CDH18: variants seen among roughly 807,000 people sequenced by gnomAD.
CDH18 encodes cadherin 18, also known as cadherin-18.
A neutral mutation model predicts 67.9 loss-of-function variants in CDH18; 31 were observed. That is an observed-to-expected ratio of 0.46 (90% CI 0.34 to 0.62). The LOEUF (loss-of-function observed/expected upper bound fraction) is 0.62, where lower values mean the gene tolerates loss of function less well. CDH18 is among the 20% of genes least tolerant of loss of function. The pLI is 0.01. For synonymous variants in CDH18, 362 were observed against 347.2 expected (o/e 1.04, Z -0.48); for missense variants, 890 against 975.5 (o/e 0.91, Z 1.17).
intron 5 of CDH18, among the ~76,000 whole-genome samples, chr5:19,645,898 A>G (rs940926025): frequency 6.6e-6 from 1 of 152,200 alleles, no homozygotes. Context: ...AATAGAAATA[A>G]TATCATCTAT....
At chr5:19,493,122 T>C (rs542724450) in intron 11 of CDH18, among the ~76,000 whole-genome samples, 150 of 152,330 alleles carry the variant, frequency 9.8e-4, no homozygotes, top group African/African-American at 3.5e-3. Context: ...GAACAGCCTC[T>C]ATCCTTAAAG....
chr5:19,882,199 A>G (rs1168009929), intron 2 of CDH18, among the ~76,000 whole-genome samples: 3 of 152,140 alleles, frequency 2.0e-5, no homozygotes, highest in Admixed American at 2.0e-4. Flanking sequence ...CTCAAAAGCA[A>G]TGTTCACAAT....
At chr5:19,567,407 ATGCTTGCAAAG>A (rs1253713305) in intron 8 of CDH18, among the ~76,000 whole-genome samples, 6 of 152,142 alleles carry the variant, frequency 3.9e-5, no homozygotes, top group Admixed American at 3.9e-4. Flanking sequence ...CTTTTCACAA[ATGCTTGCAAAG>A]CTCAAACTCC....
intron 1 of CDH18, among the ~76,000 whole-genome samples, chr5:20,259,895 T>C (rs1028078379): frequency 3.9e-5 from 6 of 152,108 alleles, no homozygotes; most frequent in African/African-American, 1.2e-4. Context: ...TAGAAGTAGA[T>C]GATTTTTAAA....
At chr5:19,624,427 TGTTA>T (rs1751198527) in intron 5 of CDH18, among the ~76,000 whole-genome samples, 1 of 152,182 alleles carries the variant, frequency 6.6e-6, no homozygotes, top group African/African-American at 2.4e-5. Context: ...ATCATATACA[TGTTA>T]TTTATGTCAC....
Position 19,700,301 on chromosome 5 carries a change from C to T in CDH18, c.643+21046G>A, listed in dbSNP as rs148776539. Among the ~76,000 whole-genome samples, 116 of 152,138 alleles carry T rather than the reference C, an allele frequency of 7.6e-4. No homozygotes were observed. The East Asian group carries it at 0.011, about 15-fold the overall frequency. On this transcript the variant is annotated intron_variant, in intron 5 of 12. Transcript: ENST00000382275. ...GCACATATCTAAACAACTGAAATAC[C>T]GTATCTAGACATTTCTACAAATAAA...
intron 1 of CDH18, among the ~76,000 whole-genome samples, chr5:20,479,726 C>G (rs1371139674): frequency 6.6e-6 from 1 of 151,950 alleles, no homozygotes. Flanking sequence ...AAAGTTTATT[C>G]AGAGGAATAG....
chr5:20,230,517 T>A (rs886182473), intron 2 of CDH18, among the ~76,000 whole-genome samples: 13 of 152,296 alleles, frequency 8.5e-5, no homozygotes, highest in Admixed American at 2.6e-4. Flanking sequence ...TTAAATAAAC[T>A]CTAGTTTTCC....
chr5:20,207,813 C>T (rs1740030250), intron 2 of CDH18, among the ~76,000 whole-genome samples: 1 of 151,990 alleles, frequency 6.6e-6, no homozygotes, highest in Non-Finnish European at 1.5e-5. Context: ...ACGGAAGTAA[C>T]AATCCTAAAA....
At chr5:20,428,314 A>G (rs1748471629) in intron 1 of CDH18, among the ~76,000 whole-genome samples, 1 of 144,668 alleles carries the variant, frequency 6.9e-6, no homozygotes, top group Non-Finnish European at 1.5e-5. Context: ...CATGGTGTAT[A>G]TGTGCCACGT....
intron 11 of CDH18, among the ~76,000 whole-genome samples, chr5:19,493,343 A>G (rs1293909810): frequency 6.6e-6 from 1 of 152,224 alleles, no homozygotes; most frequent in Non-Finnish European, 1.5e-5. Context: ...TACCCAGCAG[A>G]CAGTACATAA....
chr5:20,146,470 GTTAC>G (rs1750653356), intron 2 of CDH18, among the ~76,000 whole-genome samples: 1 of 151,986 alleles, frequency 6.6e-6, no homozygotes, highest in Non-Finnish European at 1.5e-5. Flanking sequence ...TGTTATATTA[GTTAC>G]TTACTTATCC....
At chr5:20,480,686 A>G (rs2150254297) in intron 1 of CDH18, among the ~76,000 whole-genome samples, 1 of 152,266 alleles carries the variant, frequency 6.6e-6, no homozygotes, top group African/African-American at 2.4e-5. Context: ...AAGTGCTGGA[A>G]TTACTGCACC....
intron 1 of CDH18, among the ~76,000 whole-genome samples, chr5:20,272,550 GT>G (rs35476631): frequency 0.12 from 17,721 of 151,538 alleles, 1,568 homozygotes; most frequent in African/African-American, 0.24. Flanking sequence ...GCAAGTTCCT[GT>G]TTTTTTTGGA....
intron 1 of CDH18, among the ~76,000 whole-genome samples, chr5:20,324,626 C>T (rs1738374849): frequency 6.6e-6 from 1 of 152,012 alleles, no homozygotes; most frequent in South Asian, 2.1e-4. Flanking sequence ...GGAGTCTTTA[C>T]TGAAAAAAAC....
chr5:20,199,682 G>A (rs962289046), intron 2 of CDH18, among the ~76,000 whole-genome samples: 3 of 152,108 alleles, frequency 2.0e-5, no homozygotes, highest in African/African-American at 7.2e-5. Flanking sequence ...GAGGCAAAAT[G>A]ATGTGGTTTG....
At chr5:20,136,305 G>T (rs977781018) in intron 2 of CDH18, among the ~76,000 whole-genome samples, 12 of 152,162 alleles carry the variant, frequency 7.9e-5, no homozygotes, top group Non-Finnish European at 1.6e-4. Context: ...ATTTAGGATA[G>T]TTAGCTCTTC....
intron 3 of CDH18, among the ~76,000 whole-genome samples, chr5:19,750,036 T>C (rs375307737): frequency 6.6e-6 from 1 of 152,182 alleles, no homozygotes; most frequent in African/African-American, 2.4e-5. Context: ...ATATTTAGCA[T>C]GAGTTTTTAA....
At chr5:20,369,562 G>A (rs148142291) in intron 1 of CDH18, among the ~76,000 whole-genome samples, 1 of 152,190 alleles carries the variant, frequency 6.6e-6, no homozygotes, top group East Asian at 1.9e-4. Context: ...TAATACCACC[G>A]CAGTTGTTCC....
Sources: gnomAD v4.1 joint callset for allele counts (sites outside exome capture counted in the v4.1 genomes callset) on GRCh38, gnomAD v4.1.1 for gene constraint, MANE v1.5 for transcripts, NCBI Gene and HGNC (gene_info 2026-07-23, HGNC 2026-07-21) for gene names.